XPO5: variants seen among roughly 807,000 people sequenced by gnomAD.
XPO5 encodes exportin-5.
Under a neutral mutation model 160.6 loss-of-function variants are expected in XPO5, and 46 were observed. That is an observed-to-expected ratio of 0.29 (90% CI 0.23 to 0.37). The LOEUF is 0.37. XPO5 is among the 10% of genes least tolerant of loss of function. The pLI is 1.00. For missense variants in XPO5, 1,090 were observed against 1,463.9 expected, an observed-to-expected ratio of 0.74 and a Z score of 4.17; for synonymous variants, 537 against 519.3, an observed-to-expected ratio of 1.03 and a Z score of -0.46.
intron 20 of XPO5, chr6:43,538,733 T>A: frequency 2.0e-6 from 1 of 510,714 alleles, no homozygotes. Context: ...TCAAAATAAA[T>A]AAGCCTCATA....
At chr6:43,564,924 C>CT (rs577868911) in intron 8 of XPO5, among the ~76,000 whole-genome samples, 3,468 of 136,432 alleles carry the variant, frequency 0.025, 53 homozygotes, top group South Asian at 0.049. Context: ...CATTTTCTCT[C>CT]TTTTTTTTTT....
At chr6:43,575,577 G>A (rs1164045710) in intron 1 of XPO5, among the ~76,000 whole-genome samples, 183 bp downstream of exon 1, 1 of 152,246 alleles carries the variant, frequency 6.6e-6, no homozygotes, top group Non-Finnish European at 1.5e-5. Flanking sequence ...CAGGAGCGGC[G>A]AGTAGAGAAG....
Position 43,554,205 on chromosome 6 carries a change from G to A in XPO5, c.1442-702C>T, listed in dbSNP as rs574796902. 2.6e-3 allele frequency among the ~76,000 whole-genome samples: 393 copies of A among 151,860 alleles called. 4 individuals are homozygous for A. Among genetic ancestry groups the A allele is most frequent in the Non-Finnish European group, 4.0e-3 (274 of 67,928 alleles). ...CACTGCAACATTAGCCTCCCAGGTTGAAGCAATTCTCCGCCTCAGCCTCCC... is the reference window on the plus strand; with the variant it reads ...CACTGCAACATTAGCCTCCCAGGTTAAAGCAATTCTCCGCCTCAGCCTCCC... On this transcript the variant is annotated intron_variant, in intron 13 of 31. Coordinates refer to ENST00000265351, the MANE Select transcript of XPO5 (RefSeq NM_020750.3).
chr6:43,573,832 T>A (rs1387813764), intron 1 of XPO5, among the ~76,000 whole-genome samples: 35 of 144,602 alleles, frequency 2.4e-4, no homozygotes, highest in African/African-American at 8.5e-4. Context: ...TATTTTTTTT[T>A]TTTTTTTTTG....
chr6:43,538,434 G>C (rs1561870502), intron 20 of XPO5, among the ~76,000 whole-genome samples: 1 of 152,034 alleles, frequency 6.6e-6, no homozygotes, highest in Non-Finnish European at 1.5e-5. Flanking sequence ...ACAAGCGTGA[G>C]GCACCACGCT....
intron 27 of XPO5, 23 bp downstream of exon 27, chr6:43,526,662 C>T: frequency 6.2e-7 from 1 of 1,613,508 alleles, no homozygotes; most frequent in Non-Finnish European, 8.5e-7. Flanking sequence ...AGCAGAACTC[C>T]AAGGTCTCAC....
rs1223935943 is a variant in XPO5, at chr6:43,524,483, A to G, written c.3465T>C (p.Ala1155=). 1.2e-6 allele frequency: 2 copies of G among 1,613,518 alleles called. No individual in the cohort carries two copies. The highest frequency in any genetic ancestry group is 2.2e-5 in the South Asian group (2 of 91,042). ...RRKDQFKRLI[A]GCIGKPLGEQ... ...GTGCATGACCTACCCCAATGCAACC[A>G]GCAATGAGGCGTTTGAATTGGTCCT... The change falls in exon 31 of 32, where the codon GCT becomes GCC. Residue 1155 remains alanine (A), a synonymous_variant. Transcript: ENST00000265351.
chr6:43,567,122 G>A (rs780724692), intron 7 of XPO5, 47 bp downstream of exon 7: 2 of 1,551,392 alleles, frequency 1.3e-6, no homozygotes, highest in Admixed American at 4.0e-5. Context: ...CACATACACA[G>A]CCTACTTCAG....
intron 23 of XPO5, 78 bp downstream of exon 23, chr6:43,530,610 C>T: frequency 6.6e-7 from 1 of 1,515,798 alleles, no homozygotes; most frequent in South Asian, 1.2e-5. Flanking sequence ...CCTCTTCCCT[C>T]TGGTTGCTGT....
chr6:43,556,523 CA>C (rs539768315), intron 12 of XPO5, among the ~76,000 whole-genome samples: 8,026 of 71,932 alleles, frequency 0.11, 521 homozygotes, highest in African/African-American at 0.29. Context: ...GACCATGTCT[CA>C]AAAAAAAAAA....
rs561853760 is a variant in XPO5, at chr6:43,570,371, GTTT to G, written c.621+128_621+130del. ...GCTCCAGTTTTTCTGTCATTTCCTA[GTTT>G]TTTATTTTTTTGCTTATAAAATAGG... On this transcript the variant is annotated intron_variant, in intron 5 of 31. Transcript: ENST00000265351. The G allele has an allele frequency of 3.9e-4, 243 of 629,118 alleles. 4 individuals carry two copies. The South Asian group carries it at 8.9e-3, about 23-fold the overall frequency. The allele number at this position is 629,118 out of a possible 1,614,324, so 39.0% of individuals were successfully genotyped here. A position where few individuals can be genotyped will look rare whatever the true frequency, so the allele number is the denominator to read the frequency against.
intron 20 of XPO5, among the ~76,000 whole-genome samples, chr6:43,540,092 C>A (rs539041531): frequency 1.1e-3 from 161 of 152,252 alleles, no homozygotes; most frequent in African/African-American, 3.3e-3. Flanking sequence ...CCTGTCTCTA[C>A]TGAAGATACA....
At position 43,528,808 on chromosome 6, in the gene XPO5, G is replaced by A. The variant is rs777099513; in HGVS notation, c.2775+20C>T. ...GCCTTAATAGTACTCTTTGCTTCCT[G>A]TTCCTGACTTATCTCTTACCATATG... On this transcript the variant is annotated intron_variant, in intron 24 of 31. Coordinates refer to ENST00000265351, the MANE Select transcript of XPO5 (RefSeq NM_020750.3). 1 of 1,609,568 alleles carries A rather than the reference G, an allele frequency of 6.2e-7. No homozygotes were observed. Among genetic ancestry groups the A allele is most frequent in the South Asian group, 1.1e-5 (1 of 90,550 alleles).
chr6:43,568,804 C>T, intron 5 of XPO5, 67 bp from the exon 6 acceptor site: 3 of 1,372,520 alleles, frequency 2.2e-6, no homozygotes, highest in Non-Finnish European at 3.0e-6. Context: ...TTTCTACCCC[C>T]CACAAATCAA....
Position 43,560,321 on chromosome 6 carries a change from A to G in XPO5, c.1096-18T>C. Reference sequence around the variant, plus strand: ...CGTAGAAACTAAAGAGAAAAAAAAAAGAAAACGTCAAAGGATTTGGATTCT... The same window carrying G: ...CGTAGAAACTAAAGAGAAAAAAAAAGGAAAACGTCAAAGGATTTGGATTCT... On this transcript the variant is annotated intron_variant, in intron 10 of 31. Transcript: ENST00000265351. The G allele has an allele frequency of 1.3e-6, 2 of 1,580,810 alleles. No individual in the cohort carries two copies.
chr6:43,548,451 C>A lies in XPO5; in HGVS notation c.1870G>T (p.Asp624Tyr). The stretch of plus-strand genomic sequence containing the variant: ...TGCTTCACATGGTTATAAAGCATGT[C>A]AAAATTGGGCTACAGATCAAAAAGA... The part of the protein sequence containing the change: ...DYPQLVLPNF[D>Y]MLYNHVKQLL... The change falls in exon 18 of 32, where the codon GAC becomes TAC. Residue 624 changes from aspartate to tyrosine, a missense_variant. Transcript: ENST00000265351. 1 of 1,547,770 alleles carries A rather than the reference C, an allele frequency of 6.5e-7. No homozygotes were observed. The highest frequency in any genetic ancestry group is 8.8e-7 in the Non-Finnish European group (1 of 1,139,976).
chr6:43,570,719 AAT>A (rs1330201630), intron 4 of XPO5, 35 bp from the exon 5 acceptor site: 1 of 1,555,244 alleles, frequency 6.4e-7, no homozygotes, highest in South Asian at 1.2e-5. Context: ...TAAAAACTAA[AAT>A]ATCTTTTCAT....
In XPO5 at chr6:43,524,482, C is replaced by A; in HGVS notation, c.3466G>T (p.Gly1156Cys). ...RKDQFKRLIA[G>C]CIGKPLGEQF... The stretch of plus-strand genomic sequence containing the variant: ...GGTGCATGACCTACCCCAATGCAAC[C>A]AGCAATGAGGCGTTTGAATTGGTCC... The change falls in exon 31 of 32, where the codon GGT becomes TGT. Residue 1156 changes from glycine to cysteine, a missense_variant. By Grantham distance (159) the Gly-to-Cys change is radical. This residue lies in a region of XPO5 where 810 missense variants were observed against 1,139.0 expected (regional missense o/e 0.71). Transcript: ENST00000265351. 1 of 1,613,356 alleles carries A rather than the reference C, an allele frequency of 6.2e-7. No homozygotes were observed. Among genetic ancestry groups the A allele is most frequent in the Non-Finnish European group, 8.5e-7 (1 of 1,179,816 alleles).
At chr6:43,548,138 A>G in intron 18 of XPO5, 123 bp downstream of exon 18, 1 of 998,342 alleles carries the variant, frequency 1.0e-6, no homozygotes, top group East Asian at 2.5e-5. Flanking sequence ...AGAGAACTTC[A>G]GATATCATGG....
Sources: gnomAD v4.1 joint callset for allele counts (sites outside exome capture counted in the v4.1 genomes callset) on GRCh38, gnomAD v4.1.1 for gene constraint, gnomAD v4.1.1 regional missense constraint, MANE v1.5 for transcripts, NCBI Gene and HGNC (gene_info 2026-07-23, HGNC 2026-07-21) for gene names.